Variants in SRGAP2C observed in about 807,000 individuals in gnomAD.
SRGAP2C encodes the protein SLIT-ROBO Rho GTPase activating protein 2C, also known as SLIT-ROBO Rho GTPase-activating protein 2C.
SRGAP2C carries 15 observed loss-of-function variants against 25.1 expected under a neutral mutation model. The observed-to-expected ratio is 0.60, with a 90% CI of 0.40 to 0.92. The LOEUF is 0.92. Among genes scored for constraint, SRGAP2C ranks in the 40% least tolerant of loss-of-function variants. SRGAP2C has a pLI of 0.00. For missense variants in SRGAP2C, 144 were observed against 264.4 expected, an observed-to-expected ratio of 0.54 and a Z score of 3.16; for synonymous variants, 44 against 96.6, an observed-to-expected ratio of 0.46 and a Z score of 3.19.
chr1:121,315,429 G>A (rs1317282850), intron 3 of SRGAP2C, among the ~76,000 whole-genome samples: 1 of 147,744 alleles, frequency 6.8e-6, no homozygotes, highest in Non-Finnish European at 1.5e-5. Context: ...CTTAAGCATA[G>A]TTCAAGGCGC....
intron 3 of SRGAP2C, among the ~76,000 whole-genome samples, chr1:121,300,424 A>C (rs1657679034): frequency 7.0e-6 from 1 of 142,354 alleles, no homozygotes; most frequent in African/African-American, 2.6e-5. Context: ...AGTGAGCATG[A>C]ACTCACTTAT....
chr1:121,201,493 A>C (rs587651583), intron 2 of SRGAP2C, among the ~76,000 whole-genome samples: 58 of 152,180 alleles, frequency 3.8e-4, no homozygotes, highest in African/African-American at 1.4e-3. Flanking sequence ...ATCATTAAGC[A>C]GAGACAGAAA....
intron 3 of SRGAP2C, among the ~76,000 whole-genome samples, chr1:121,321,846 C>T (rs1658211194): frequency 6.6e-6 from 1 of 152,200 alleles, no homozygotes; most frequent in African/African-American, 2.4e-5. Flanking sequence ...TGCTCTGCAT[C>T]CTTTCCCATG....
chr1:121,345,953 G>GGGTTGCTC (rs1658735592), intron 4 of SRGAP2C, among the ~76,000 whole-genome samples: 1 of 118,364 alleles, frequency 8.4e-6, no homozygotes, highest in African/African-American at 3.3e-5. Context: ...ACCCGGCCCT[G>GGGTTGCTC]GGTTGCTCTT....
At chr1:121,354,405 T>C (rs868908456) in intron 4 of SRGAP2C, among the ~76,000 whole-genome samples, 2 of 68,324 alleles carry the variant, frequency 2.9e-5, no homozygotes, top group African/African-American at 5.9e-5. Context: ...TCTTTTTTTT[T>C]TTTTTTTTTT....
At chr1:121,384,977 C>A (rs587640950) in intron 8 of SRGAP2C, among the ~76,000 whole-genome samples, 464 of 152,212 alleles carry the variant, frequency 3.0e-3, no homozygotes, top group Non-Finnish European at 4.6e-3. Flanking sequence ...GGGCCAGGAC[C>A]AGTCCTGGAG....
intron 3 of SRGAP2C, among the ~76,000 whole-genome samples, chr1:121,314,740 G>A (rs1295657381): frequency 6.6e-6 from 1 of 151,472 alleles, no homozygotes; most frequent in African/African-American, 2.4e-5. Flanking sequence ...GGCTGCTCGG[G>A]GGTCAGGGAT....
rs1659593283 is a variant in SRGAP2C at position 121,374,769 on chromosome 1, G to C, written c.703-57G>C. ...GAATACACTGTACTTTTATCTTTTA[G>C]AGAACAAGCCCCCCTTTAAAAAAAA... On this transcript the variant is annotated intron_variant, in intron 6 of 9. Transcript: ENST00000367123. 17 of 743,362 alleles carry C rather than the reference G, an allele frequency of 2.3e-5. No homozygotes were observed. In the South Asian group the frequency reaches 2.4e-4, roughly 11 times the overall value. 46.0% of individuals were successfully genotyped at this position (743,362 alleles called of 1,614,324 possible).
At chr1:121,327,831 AC>A (rs1658347915) in intron 4 of SRGAP2C, among the ~76,000 whole-genome samples, 2 of 151,720 alleles carry the variant, frequency 1.3e-5, no homozygotes, top group Non-Finnish European at 2.9e-5. Flanking sequence ...TTTCCAAGTG[AC>A]CCTTTCTCTT....
At chr1:121,222,901 CA>C (rs1655567379) in intron 2 of SRGAP2C, among the ~76,000 whole-genome samples, 1 of 150,452 alleles carries the variant, frequency 6.6e-6, no homozygotes. Flanking sequence ...AGAATCTCCC[CA>C]ATGGCCCTTT....
intron 3 of SRGAP2C, among the ~76,000 whole-genome samples, chr1:121,309,598 A>G (rs1657934376): frequency 6.7e-6 from 1 of 149,688 alleles, no homozygotes; most frequent in Non-Finnish European, 1.5e-5. Context: ...CACAGTCCCC[A>G]GAGTGTGATA....
rs782719555 is a variant in SRGAP2C, at chr1:121,374,963, T to C, written c.831+9T>C. On this transcript the variant is annotated intron_variant, in intron 7 of 9. Coordinates refer to ENST00000367123, the MANE Select transcript of SRGAP2C (RefSeq NM_001329984.2). Reference sequence around the variant, plus strand: ...TATCTGACCTTATTGATGTAAGTGCTTAAAGCCAAGGGCCTGAGGGCCCCT... The same window carrying C: ...TATCTGACCTTATTGATGTAAGTGCCTAAAGCCAAGGGCCTGAGGGCCCCT... The C allele has an allele frequency of 1.3e-6, 1 of 776,284 alleles. No individual in the cohort carries two copies. Among genetic ancestry groups the C allele is most frequent in the Non-Finnish European group, 2.4e-6 (1 of 415,634 alleles). 48.1% of individuals were successfully genotyped at this position (776,284 alleles called of 1,614,324 possible).
Position 121,391,728 on chromosome 1 carries a change from G to C in SRGAP2C, c.*3873G>C, listed in dbSNP as rs1482116472. The C allele has an allele frequency of 1.3e-5, 2 of 152,126 alleles. No individual in the cohort carries two copies. The highest frequency in any genetic ancestry group is 4.0e-4 in the East Asian group (2 of 4,968). 9.4% of individuals were successfully genotyped at this position (152,126 alleles called of 1,614,324 possible). A position where few individuals can be genotyped will look rare whatever the true frequency, so the allele number is the denominator to read the frequency against. On this transcript the variant is annotated 3_prime_UTR_variant, in exon 10 of 10. Coordinates refer to ENST00000367123, the MANE Select transcript of SRGAP2C (RefSeq NM_001329984.2). ...CACAAAACATTACTGTGTTTGTAGG[G>C]GGAGGTCTGATTTACAGAGTAACCA...
intron 2 of SRGAP2C, among the ~76,000 whole-genome samples, chr1:121,206,163 A>G (rs1162212655): frequency 6.6e-6 from 1 of 151,554 alleles, no homozygotes. Flanking sequence ...CCTACACCCT[A>G]ATACAATGAT....
chr1:121,329,382 G>T (rs1658387107), intron 4 of SRGAP2C, among the ~76,000 whole-genome samples: 1 of 143,988 alleles, frequency 6.9e-6, no homozygotes, highest in Admixed American at 7.0e-5. Context: ...ATTGAATTCA[G>T]ATATTTCACT....
chr1:121,289,387 T>C (rs1422699041), intron 3 of SRGAP2C, among the ~76,000 whole-genome samples: 1 of 151,886 alleles, frequency 6.6e-6, no homozygotes, highest in Non-Finnish European at 1.5e-5. Context: ...CAGGGCTGGC[T>C]GGCTGCTCCG....
In SRGAP2C at chr1:121,359,777, AAAAG is replaced by A. The variant is rs764766331; in HGVS notation, c.424-5504_424-5501del. ...GCAATAGAGCAAGACCTTGTATCTA[AAAAG>A]AAAGAAAGAAAAGAAAAAAAGAAGA... On this transcript the variant is annotated intron_variant, in intron 4 of 9. Transcript: ENST00000367123. Among the ~76,000 whole-genome samples the A allele has an allele frequency of 1.3e-3, 204 of 152,344 alleles. 1 individual carries two copies. Among genetic ancestry groups the A allele is most frequent in the African/African-American group, 3.5e-3 (147 of 41,578 alleles).
intron 2 of SRGAP2C, among the ~76,000 whole-genome samples, chr1:121,237,863 ATTC>A (rs1553328993): frequency 8.1e-6 from 1 of 123,308 alleles, no homozygotes; most frequent in African/African-American, 3.2e-5. Context: ...GCTAATGGAA[ATTC>A]TTCTAGAAGT....
At chr1:121,258,506 C>T (rs1175473199) in intron 2 of SRGAP2C, among the ~76,000 whole-genome samples, 1 of 149,052 alleles carries the variant, frequency 6.7e-6, no homozygotes, top group Non-Finnish European at 1.5e-5. Context: ...GCTCCTGTTG[C>T]CCAGGCTGGA....
Sources: allele counts gnomAD v4.1 joint callset (sites outside exome capture counted in the v4.1 genomes callset), GRCh38; gene constraint gnomAD v4.1.1; transcripts MANE v1.5; gene names NCBI Gene and HGNC (gene_info 2026-07-23, HGNC 2026-07-21).